LAMA2: variants seen among roughly 807,000 people sequenced by gnomAD.
The protein encoded by LAMA2 is laminin subunit alpha-2.
In LAMA2, 269 loss-of-function variants were observed where a neutral mutation model predicts 364.8. The observed-to-expected ratio is 0.74, with a 90% CI of 0.67 to 0.82. The LOEUF (loss-of-function observed/expected upper bound fraction) is 0.82. Ranked by LOEUF, LAMA2 falls within the 40% of genes least tolerant of loss-of-function variation. The probability of loss-of-function intolerance (pLI) is 0.00; values close to 1 mark genes in which losing one functional copy is unlikely to be tolerated. For missense variants in LAMA2, 3,807 were observed against 3,873.2 expected (o/e 0.98, Z 0.45); for synonymous variants, 1,379 against 1,370.6 (o/e 1.01, Z -0.14).
chr6:128,941,370 A>G (rs1488988162), intron 1 of LAMA2, among the ~76,000 whole-genome samples: 1 of 152,166 alleles, frequency 6.6e-6, no homozygotes, highest in Non-Finnish European at 1.5e-5. Flanking sequence ...ATACATAATC[A>G]AAGTTTGTGT....
At chr6:129,198,819 A>G (rs971492063) in intron 12 of LAMA2, among the ~76,000 whole-genome samples, 4 of 152,184 alleles carry the variant, frequency 2.6e-5, no homozygotes, top group Middle Eastern at 3.4e-3. Context: ...TGACTCAAAG[A>G]AAAAAAATCT....
At chr6:129,433,381 G>A (rs1273782966) in intron 41 of LAMA2, among the ~76,000 whole-genome samples, 1 of 152,100 alleles carries the variant, frequency 6.6e-6, no homozygotes, top group Non-Finnish European at 1.5e-5. Context: ...TTCCTACCCA[G>A]GTCTCAAGAT....
intron 3 of LAMA2, among the ~76,000 whole-genome samples, chr6:129,075,182 A>G (rs12197360): frequency 0.26 from 39,854 of 152,056 alleles, 5,368 homozygotes; most frequent in African/African-American, 0.31. Flanking sequence ...TGAGCTGAGA[A>G]TTAAAAACCA....
At chr6:129,047,518 G>T (rs1787605549) in intron 1 of LAMA2, among the ~76,000 whole-genome samples, 1 of 152,208 alleles carries the variant, frequency 6.6e-6, no homozygotes, top group South Asian at 2.1e-4. Flanking sequence ...GAGAGTTGGG[G>T]GTCACTATTT....
At chr6:129,445,570 T>C in intron 44 of LAMA2, 97 bp from the exon 45 acceptor site, 2 of 1,010,830 alleles carry the variant, frequency 2.0e-6, no homozygotes, top group Non-Finnish European at 3.1e-6. Context: ...GTCACATTAA[T>C]AAGATGAAAT....
chr6:128,963,414 C>G (rs1582781609), intron 1 of LAMA2, among the ~76,000 whole-genome samples: 1 of 152,106 alleles, frequency 6.6e-6, no homozygotes, highest in Non-Finnish European at 1.5e-5. Flanking sequence ...ACCTAGTAGA[C>G]AGTCAACATT....
At chr6:129,171,613 T>G (rs1780160612) in intron 9 of LAMA2, among the ~76,000 whole-genome samples, 2 of 151,174 alleles carry the variant, frequency 1.3e-5, no homozygotes, top group African/African-American at 4.9e-5. Context: ...TAACATTTTT[T>G]CCTTCATTTC....
In LAMA2 at chr6:129,328,392, C is replaced by G. The variant is rs1206034289; in HGVS notation, c.4291C>G (p.Pro1431Ala). ...QCNGHSSLCD[P>A]ETSICQNCQH... ...TAATGGACACAGCAGCCTGTGTGAC[C>G]CTGAAACATCGATATGCCAGGTAGT... Residue 1431 changes from proline to alanine, a missense_variant, in exon 29 of 65, where the codon CCT (proline) becomes GCT (alanine). Coordinates refer to ENST00000421865, the MANE Select transcript of LAMA2 (RefSeq NM_000426.4). 6.2e-7 allele frequency: 1 copy of G among 1,614,144 alleles called. No homozygotes were observed. Among genetic ancestry groups the G allele is most frequent in the East Asian group, 2.2e-5 (1 of 44,882 alleles).
chr6:129,013,224 A>AC (rs1784868385), intron 1 of LAMA2, among the ~76,000 whole-genome samples: 1 of 152,038 alleles, frequency 6.6e-6, no homozygotes, highest in Non-Finnish European at 1.5e-5. Flanking sequence ...TCACGAGGTC[A>AC]GGAGATCGAG....
chr6:129,372,537 T>C (rs1778146519), intron 34 of LAMA2, among the ~76,000 whole-genome samples: 1 of 152,346 alleles, frequency 6.6e-6, no homozygotes, highest in Admixed American at 6.5e-5. Flanking sequence ...TGTTTACTTA[T>C]TCATTCCCCT....
At chr6:128,984,199 C>T (rs988427159) in intron 1 of LAMA2, among the ~76,000 whole-genome samples, 19 of 152,082 alleles carry the variant, frequency 1.2e-4, no homozygotes, top group Non-Finnish European at 5.9e-5. Flanking sequence ...GCCACCACAT[C>T]TTTTTGTGTT....
intron 55 of LAMA2, among the ~76,000 whole-genome samples, chr6:129,483,072 AAAAAAAAAAAG>A: frequency 6.6e-6 from 1 of 151,390 alleles, no homozygotes; most frequent in South Asian, 2.1e-4. Flanking sequence ...GACTCGAAAA[AAAAAAAAAAAG>A]AAAAAGAAAA....
At chr6:129,039,917 G>T (rs950640538) in intron 1 of LAMA2, among the ~76,000 whole-genome samples, 1 of 152,282 alleles carries the variant, frequency 6.6e-6, no homozygotes, top group East Asian at 1.9e-4. Context: ...GCTGGTACTG[G>T]TCTGCAGCCC....
At chr6:129,148,846 C>G in intron 6 of LAMA2, 133 bp from the exon 7 acceptor site, 2 of 771,912 alleles carry the variant, frequency 2.6e-6, no homozygotes, top group Non-Finnish European at 4.7e-6. Context: ...ACTTTCTTCC[C>G]AGGCTGGCTA....
chr6:129,111,585 A>T (rs1353158879), intron 4 of LAMA2, among the ~76,000 whole-genome samples: 2 of 152,000 alleles, frequency 1.3e-5, no homozygotes, highest in Non-Finnish European at 2.9e-5. Context: ...TATGGTTTAA[A>T]CTAATATGTG....
intron 3 of LAMA2, among the ~76,000 whole-genome samples, chr6:129,089,834 T>C (rs1465346736): frequency 1.3e-5 from 2 of 152,184 alleles, no homozygotes; most frequent in African/African-American, 2.4e-5. Context: ...ATTTGGACTC[T>C]GCTCACTCGT....
chr6:128,904,398 A>T (rs1777282979), intron 1 of LAMA2, among the ~76,000 whole-genome samples: 1 of 150,884 alleles, frequency 6.6e-6, no homozygotes, highest in South Asian at 2.1e-4. Context: ...ATCTCCCTAG[A>T]TAGAAATATG....
intron 8 of LAMA2, among the ~76,000 whole-genome samples, chr6:129,163,236 A>T (rs1779546589): frequency 6.6e-6 from 1 of 151,476 alleles, no homozygotes; most frequent in Non-Finnish European, 1.5e-5. Context: ...GTGCTAAGTA[A>T]TTTTTTTTCT....
chr6:129,514,718 T>C, intron 64 of LAMA2, 123 bp downstream of exon 64: 1 of 828,956 alleles, frequency 1.2e-6, no homozygotes, highest in East Asian at 2.6e-5. Context: ...AGCTTTAGAA[T>C]CTGCTTAGAA....
Sources: allele counts gnomAD v4.1 joint callset (sites outside exome capture counted in the v4.1 genomes callset), GRCh38; gene constraint gnomAD v4.1.1; transcripts MANE v1.5; gene names NCBI Gene and HGNC (gene_info 2026-07-23, HGNC 2026-07-21).